Variants in MED13 observed in about 807,000 individuals in gnomAD.
MED13 encodes mediator complex subunit 13, also known as mediator of RNA polymerase II transcription subunit 13.
A neutral mutation model predicts 225.2 loss-of-function variants in MED13; 23 were observed. The observed-to-expected ratio is 0.10, with a 90% CI of 0.07 to 0.14. MED13 has a LOEUF of 0.14. Among genes scored for constraint, MED13 ranks in the 10% least tolerant of loss-of-function variants. The pLI, the probability that MED13 is intolerant of heterozygous loss-of-function variation, is 1.00. For synonymous variants in MED13, 942 were observed against 889.2 expected (o/e 1.06, Z -1.06); for missense variants, 2,197 against 2,594.5 (o/e 0.85, Z 3.33).
chr17:62,021,176 C>T, intron 8 of MED13, among the ~76,000 whole-genome samples: 1 of 151,224 alleles, frequency 6.6e-6, no homozygotes, highest in Non-Finnish European at 1.5e-5. Context: ...CCATTGTCAT[C>T]ATGGCCCGTT....
intron 8 of MED13, among the ~76,000 whole-genome samples, chr17:62,015,759 T>C (rs2080557395): frequency 7.0e-6 from 1 of 141,990 alleles, no homozygotes; most frequent in Admixed American, 7.3e-5. Flanking sequence ...ATATATATAA[T>C]ATAGATATAC....
intron 11 of MED13, among the ~76,000 whole-genome samples, chr17:61,990,608 C>T (rs936111005): frequency 1.4e-5 from 2 of 140,440 alleles, no homozygotes; most frequent in African/African-American, 5.6e-5. Flanking sequence ...TATATACACA[C>T]ACACACTTGG....
chr17:61,967,743 A>C (rs576862363), intron 18 of MED13, among the ~76,000 whole-genome samples: 80 of 152,296 alleles, frequency 5.3e-4, no homozygotes, highest in African/African-American at 1.8e-3. Context: ...TTTCCTGGCT[A>C]TTTAACATTG....
At chr17:61,977,298 T>C (rs571961100) in intron 16 of MED13, among the ~76,000 whole-genome samples, 223 of 152,322 alleles carry the variant, frequency 1.5e-3, no homozygotes, top group African/African-American at 5.2e-3. Context: ...TGACAAGATT[T>C]AAAGGAGACA....
intron 16 of MED13, among the ~76,000 whole-genome samples, chr17:61,976,691 T>A (rs1202930006): frequency 6.6e-6 from 1 of 152,160 alleles, no homozygotes; most frequent in Non-Finnish European, 1.5e-5. Context: ...TCCCAGCACT[T>A]TGGGAGGCCG....
At chr17:61,959,885 C>T (rs1004994248) in intron 23 of MED13, among the ~76,000 whole-genome samples, 3 of 151,844 alleles carry the variant, frequency 2.0e-5, no homozygotes, top group African/African-American at 7.3e-5. Context: ...GGCCACTATG[C>T]CCAGCTAATA....
intron 3 of MED13, 40 bp downstream of exon 3, chr17:62,052,497 A>C (rs1420688642): frequency 2.1e-6 from 3 of 1,451,050 alleles, no homozygotes; most frequent in South Asian, 2.9e-5. Flanking sequence ...AAAAGGAACA[A>C]ATCTAAAGAA....
At chr17:62,019,516 A>G (rs548737446) in intron 8 of MED13, among the ~76,000 whole-genome samples, 11 of 152,330 alleles carry the variant, frequency 7.2e-5, no homozygotes, top group African/African-American at 2.6e-4. Context: ...ATCTCCATTC[A>G]TCTGAGGTGA....
In MED13 at chr17:62,017,562, G is replaced by GT. The variant is rs1365713628; in HGVS notation, c.1284-6330dup. On this transcript the variant is annotated intron_variant, in intron 8 of 29. Coordinates refer to ENST00000397786, the MANE Select transcript of MED13 (RefSeq NM_005121.3). The stretch of plus-strand genomic sequence containing the variant: ...CTATTTTCATAATAGCATCAAAACA[G>GT]TATCTGACTTTTTTATTATGTTGAA... 3.3e-5 allele frequency among the ~76,000 whole-genome samples: 5 copies of GT among 152,124 alleles called. No homozygotes were observed. In the East Asian group the frequency reaches 9.6e-4, roughly 29 times the overall value.
chr17:61,976,830 G>A (rs1216134658), intron 16 of MED13, among the ~76,000 whole-genome samples: 2 of 152,136 alleles, frequency 1.3e-5, no homozygotes, highest in Non-Finnish European at 2.9e-5. Context: ...TACTGGAGAG[G>A]CTGAGGCAGG....
chr17:62,015,865 GTA>G (rs373595764), intron 8 of MED13, among the ~76,000 whole-genome samples: 1,491 of 74,064 alleles, frequency 0.02, 45 homozygotes, highest in African/African-American at 0.066. Flanking sequence ...TGTATAGTGT[GTA>G]TGTGTGTGTG....
intron 8 of MED13, among the ~76,000 whole-genome samples, chr17:62,013,707 G>A (rs1405298595): frequency 6.6e-6 from 1 of 152,160 alleles, no homozygotes; most frequent in Non-Finnish European, 1.5e-5. Context: ...TTCGGAGGAA[G>A]AAGATAAATT....
chr17:61,970,986 C>T (rs2143401079), intron 17 of MED13, among the ~76,000 whole-genome samples: 1 of 151,772 alleles, frequency 6.6e-6, no homozygotes, highest in South Asian at 2.1e-4. Context: ...GATTGTGCCA[C>T]TGTACTCCAG....
chr17:62,031,892 G>C (rs1603405554), intron 5 of MED13, among the ~76,000 whole-genome samples: 1 of 151,476 alleles, frequency 6.6e-6, no homozygotes, highest in Non-Finnish European at 1.5e-5. Flanking sequence ...GAAAAAGGCA[G>C]CTTTCCTTTT....
At chr17:62,003,246 C>T (rs1246453247) in intron 9 of MED13, among the ~76,000 whole-genome samples, 1 of 152,092 alleles carries the variant, frequency 6.6e-6, no homozygotes, top group Non-Finnish European at 1.5e-5. Context: ...TTTGATGGTT[C>T]ACCTTCTGGA....
intron 16 of MED13, among the ~76,000 whole-genome samples, chr17:61,975,214 C>T (rs1276209104): frequency 2.0e-5 from 3 of 151,790 alleles, no homozygotes; most frequent in African/African-American, 7.2e-5. Flanking sequence ...GATAAGGGGG[C>T]TTATATCCTT....
At position 61,982,380 on chromosome 17, in the gene MED13, T is replaced by C. The variant is rs1349106505; in HGVS notation, c.3623A>G (p.Gln1208Arg). Residue 1208 changes from glutamine (Q) to arginine (R), a missense_variant, in exon 16 of 30, where the codon CAA (glutamine) becomes CGA (arginine). Around this residue, in one of 12 missense-constraint regions of MED13, gnomAD observed 203 missense variants for 209.7 expected, o/e 0.97. Coordinates refer to ENST00000397786, the MANE Select transcript of MED13 (RefSeq NM_005121.3). ...TACACCACTTTTAGGAAAAGGATCT[T>C]GGTCTGCTGCTCCAAAGGGTGAAAA... ...NLFSPFGAADQDPFPKSGVIS... is the reference protein window; with the variant it reads ...NLFSPFGAADRDPFPKSGVIS... The C allele has an allele frequency of 1.9e-6, 3 of 1,614,094 alleles. No individual in the cohort carries two copies. The highest frequency in any genetic ancestry group is 2.5e-6 in the Non-Finnish European group (3 of 1,180,040).
chr17:61,997,125 TCA>T (rs1225511276), intron 9 of MED13, among the ~76,000 whole-genome samples: 1 of 152,228 alleles, frequency 6.6e-6, no homozygotes, highest in Admixed American at 6.5e-5. Flanking sequence ...ATTCTTTGAC[TCA>T]CAGGCAAATC....
In MED13 at chr17:61,984,053, A is replaced by G. The variant is rs192572521; in HGVS notation, c.2888+118T>C. 13 of 743,642 alleles carry G rather than the reference A, an allele frequency of 1.7e-5. No individual in the cohort carries two copies. In the Admixed American group the frequency reaches 4.5e-4, roughly 26 times the overall value. The allele number at this position is 743,642 out of a possible 1,614,324, so 46.1% of individuals were successfully genotyped here. On this transcript the variant is annotated intron_variant, in intron 15 of 29. Transcript: ENST00000397786. ...AATCACTATAATTGATTAACCAGAA[A>G]TAATTTTTAGAATTTTCAAAAACCA...
Sources: gnomAD v4.1 joint callset for allele counts (sites outside exome capture counted in the v4.1 genomes callset) on GRCh38, gnomAD v4.1.1 for gene constraint, gnomAD v4.1.1 regional missense constraint, MANE v1.5 for transcripts, NCBI Gene and HGNC (gene_info 2026-07-23, HGNC 2026-07-21) for gene names.